NECAB2: variants seen among roughly 807,000 people sequenced by gnomAD.
NECAB2 encodes the protein N-terminal EF-hand calcium-binding protein 2.
NECAB2 carries 68 observed loss-of-function variants against 51.9 expected under a neutral mutation model. The ratio of observed to expected loss-of-function variants is 1.31; its 90% CI spans 1.08 to 1.60. NECAB2 has a LOEUF of 1.60. Ranked by LOEUF, NECAB2 falls within the 40% of genes most tolerant of loss-of-function variation. The probability of loss-of-function intolerance (pLI) is 0.00; values close to 1 mark genes in which losing one functional copy is unlikely to be tolerated. For missense variants in NECAB2, 854 were observed against 490.3 expected, an observed-to-expected ratio of 1.74 and a Z score of -7.00; for synonymous variants, 329 against 203.5, an observed-to-expected ratio of 1.62 and a Z score of -5.25.
At chr16:83,975,976 T>C (rs1193871106) in intron 2 of NECAB2, among the ~76,000 whole-genome samples, 2 of 152,148 alleles carry the variant, frequency 1.3e-5, no homozygotes, top group African/African-American at 4.8e-5. Flanking sequence ...AGCCGAAAGC[T>C]TAGTGAGGGG....
chr16:83,971,984 T>TC (rs2084353233), intron 1 of NECAB2, 167 bp from the exon 2 acceptor site: 3 of 864,400 alleles, frequency 3.5e-6, no homozygotes, highest in Non-Finnish European at 5.3e-6. Flanking sequence ...CCTCATCAGT[T>TC]CCCCCTGGAT....
At chr16:83,966,525 T>C (rs1047913497), upstream of NECAB2, among the ~76,000 whole-genome samples, 1 of 151,974 alleles carries the variant, frequency 6.6e-6, no homozygotes, top group Non-Finnish European at 1.5e-5. Context: ...CGGGCAGCTG[T>C]ACTAGAGTCT....
At chr16:83,978,716 G>T (rs1376435834) in intron 3 of NECAB2, among the ~76,000 whole-genome samples, 164 bp downstream of exon 3, 4 of 151,960 alleles carry the variant, frequency 2.6e-5, no homozygotes, top group Non-Finnish European at 2.9e-5. Context: ...GGGTGAATGG[G>T]GCGTGTGCAG....
chr16:84,001,422 G>A (rs1206191097), intron 11 of NECAB2, among the ~76,000 whole-genome samples: 4 of 152,156 alleles, frequency 2.6e-5, no homozygotes, highest in Non-Finnish European at 4.4e-5. Flanking sequence ...TGGGAACAGG[G>A]GCGGTCATGA....
At chr16:83,982,582 C>T (rs569982683) in intron 5 of NECAB2, among the ~76,000 whole-genome samples, 1 of 152,284 alleles carries the variant, frequency 6.6e-6, no homozygotes, top group East Asian at 1.9e-4. Context: ...CCTCCTTGAG[C>T]CTCGGTTTTC....
At chr16:83,965,883 C>T (rs745713428), upstream of NECAB2, 8 of 1,612,914 alleles carry the variant, frequency 5.0e-6, no homozygotes, top group South Asian at 2.2e-5. Flanking sequence ...TACCAGAGCA[C>T]CCGCCAGGAG....
chr16:83,993,364 C>G (rs1308724260), intron 6 of NECAB2: 4 of 152,324 alleles, frequency 2.6e-5, no homozygotes, highest in African/African-American at 9.6e-5. Flanking sequence ...AGTTTGCTCC[C>G]TCCGCAAGGG....
chr16:83,973,507 G>C (rs2084371080), intron 2 of NECAB2, among the ~76,000 whole-genome samples: 1 of 152,204 alleles, frequency 6.6e-6, no homozygotes, highest in African/African-American at 2.4e-5. Flanking sequence ...CGGAGCAGAG[G>C]AGGAATAAGA....
At chr16:83,995,949 C>G (rs546988058) in intron 8 of NECAB2, among the ~76,000 whole-genome samples, 12 of 152,206 alleles carry the variant, frequency 7.9e-5, no homozygotes, top group Admixed American at 6.5e-4. Flanking sequence ...AGAGCACCGT[C>G]GCCCTAACAA....
rs1343333302 is a variant in NECAB2, at chr16:83,972,024, G to A, written c.202-127G>A. 16 of 1,280,336 alleles carry A rather than the reference G, an allele frequency of 1.2e-5. No individual in the cohort carries two copies. The East Asian group carries it at 3.9e-4, about 31-fold the overall frequency. 79.3% of individuals were successfully genotyped at this position (1,280,336 alleles called of 1,614,324 possible). ...GCCCGGGGAGGGGGAGAGGGAAGGG[G>A]GGCTCAGCTTCCCAGGACCCTAAGC... On this transcript the variant is annotated intron_variant, in intron 1 of 12. Transcript: ENST00000305202.
At chr16:83,976,760 C>T (rs532020807) in intron 2 of NECAB2, among the ~76,000 whole-genome samples, 9 of 152,202 alleles carry the variant, frequency 5.9e-5, no homozygotes, top group East Asian at 1.9e-4. Flanking sequence ...TATTCTTTAC[C>T]GGTCTCTGAT....
At chr16:83,975,425 A>G (rs1272297212) in intron 2 of NECAB2, among the ~76,000 whole-genome samples, 1 of 152,072 alleles carries the variant, frequency 6.6e-6, no homozygotes, top group Admixed American at 6.5e-5. Flanking sequence ...AGGACTGCTC[A>G]ACACTGACGC....
intron 6 of NECAB2, among the ~76,000 whole-genome samples, chr16:83,991,006 C>G (rs1384625956): frequency 2.6e-5 from 4 of 151,968 alleles, no homozygotes; most frequent in Non-Finnish European, 4.4e-5. Context: ...TTGTTTTAGA[C>G]AAAAAGTGTC....
chr16:83,998,713 C>T (rs1476867102), intron 10 of NECAB2, among the ~76,000 whole-genome samples: 1 of 152,180 alleles, frequency 6.6e-6, no homozygotes, highest in Non-Finnish European at 1.5e-5. Context: ...AGTCCAGGCC[C>T]AGAATGTAGT....
upstream of NECAB2, chr16:83,965,243 G>A (rs200366219): frequency 4.5e-5 from 72 of 1,612,160 alleles, no homozygotes; most frequent in East Asian, 3.6e-4. Context: ...CCAGGTGAGC[G>A]GCTTCCTGAC....
chr16:83,979,787 G>T (rs1031358684), intron 3 of NECAB2, among the ~76,000 whole-genome samples: 1 of 152,046 alleles, frequency 6.6e-6, no homozygotes, highest in African/African-American at 2.4e-5. Flanking sequence ...GGTTATGGAA[G>T]GTCAAAGCTC....
At position 83,989,835 on chromosome 16, in the gene NECAB2, TC is replaced by T. The variant is rs572993316; in HGVS notation, c.460-655del. Among the ~76,000 whole-genome samples the T allele has an allele frequency of 9.7e-4, 148 of 152,278 alleles. No individual in the cohort carries two copies. In the Middle Eastern group the frequency reaches 0.01, roughly 10 times the overall value. ...GGAAAAAACTTTCTTTTTCGTCTTTTCCCCAGAGTTCCGCTAAGACTCCCTC... is the reference window on the plus strand; with the variant it reads ...GGAAAAAACTTTCTTTTTCGTCTTTTCCCAGAGTTCCGCTAAGACTCCCTC... On this transcript the variant is annotated intron_variant, in intron 5 of 12. Transcript: ENST00000305202.
chr16:84,000,061 T>TTA (rs1555549866), intron 10 of NECAB2, among the ~76,000 whole-genome samples: 2 of 104,614 alleles, frequency 1.9e-5, no homozygotes, highest in African/African-American at 1.9e-4. Flanking sequence ...AAGTTTTATT[T>TTA]TTTTTTTTTT....
At chr16:83,970,807 G>A (rs1409237444) in intron 1 of NECAB2, among the ~76,000 whole-genome samples, 1 of 152,182 alleles carries the variant, frequency 6.6e-6, no homozygotes, top group African/African-American at 2.4e-5. Flanking sequence ...TTAAAGTGCT[G>A]GTGGGCAGGG....
Sources: allele counts gnomAD v4.1 joint callset (sites outside exome capture counted in the v4.1 genomes callset), GRCh38; gene constraint gnomAD v4.1.1; transcripts MANE v1.5; gene names NCBI Gene and HGNC (gene_info 2026-07-23, HGNC 2026-07-21).